MYLIP: variants seen among roughly 807,000 people sequenced by gnomAD.
The protein encoded by MYLIP is E3 ubiquitin-protein ligase MYLIP.
MYLIP carries 26 observed loss-of-function variants against 45.8 expected under a neutral mutation model. The ratio of observed to expected loss-of-function variants is 0.57; its 90% CI spans 0.42 to 0.79. The LOEUF (loss-of-function observed/expected upper bound fraction) is 0.79. Among genes scored for constraint, MYLIP ranks in the 30% least tolerant of loss-of-function variants. The pLI is 0.00. For synonymous variants in MYLIP, 213 were observed against 218.1 expected, an observed-to-expected ratio of 0.98 and a Z score of 0.21; for missense variants, 494 against 555.6, an observed-to-expected ratio of 0.89 and a Z score of 1.11.
the MYLIP span, among the ~76,000 whole-genome samples, chr6:16,161,731 C>T: frequency 6.6e-6 from 1 of 152,064 alleles, no homozygotes; most frequent in Non-Finnish European, 1.5e-5. Context: ...AGTTAAACAC[C>T]ACTCATTACC....
At chr6:16,137,129 A>G (rs1759572549) in intron 2 of MYLIP, among the ~76,000 whole-genome samples, 2 of 152,214 alleles carry the variant, frequency 1.3e-5, no homozygotes, top group Non-Finnish European at 2.9e-5. Flanking sequence ...TTTTGTTTCT[A>G]AAGCGTTACG....
Position 16,130,570 on chromosome 6 carries a change from T to A in MYLIP, c.101T>A (p.Leu34Gln). Reference protein sequence around the residue: ...EDCLNQVCRRLGIIEVDYFGL... With the variant: ...EDCLNQVCRRQGIIEVDYFGL... ...TTTTTGTTTTAGGTGTGCAGGCGAC[T>A]GGGAATCATAGAAGTTGACTATTTT... is the stretch of plus-strand genomic sequence containing the variant. The change falls in exon 2 of 7, where the codon CTG becomes CAG. Residue 34 changes from leucine to glutamine, a missense_variant. Physicochemically the swap from Leu to Gln is moderately radical, Grantham distance 113. Coordinates refer to ENST00000356840, the MANE Select transcript of MYLIP (RefSeq NM_013262.4). The A allele has an allele frequency of 6.2e-7, 1 of 1,614,152 alleles. No homozygotes were observed. Among genetic ancestry groups the A allele is most frequent in the Non-Finnish European group, 8.5e-7 (1 of 1,179,994 alleles).
Position 16,147,321 on chromosome 6 carries a change from T to G in MYLIP, c.*570T>G, listed in dbSNP as rs536993573. On this transcript the variant is annotated 3_prime_UTR_variant, in exon 7 of 7. Coordinates refer to ENST00000356840, the MANE Select transcript of MYLIP (RefSeq NM_013262.4). ...GTTTACAAATCAATTCTGTGACTTT[T>G]AAAAAGTTGACAATGTTGTCAGATT... is the stretch of plus-strand genomic sequence containing the variant. 2.6e-5 allele frequency: 4 copies of G among 153,556 alleles called. No homozygotes were observed. The highest frequency in any genetic ancestry group is 9.6e-5 in the African/African-American group (4 of 41,584). 9.5% of individuals were successfully genotyped at this position (153,556 alleles called of 1,614,324 possible). A position where few individuals can be genotyped will look rare whatever the true frequency, so the allele number is the denominator to read the frequency against.
chr6:16,129,349 C>G lies in MYLIP; in HGVS notation c.27C>G (p.Asp9Glu), dbSNP rs1321190803. ...TGCTGTGTTATGTGACGAGGCCGGA[C>G]GCGGTGCTGATGGAGGTGGAGGTGG... Reference protein sequence around the residue: MLCYVTRPDAVLMEVEVEA... With the variant: MLCYVTRPEAVLMEVEVEA... Residue 9 changes from aspartate (D) to glutamate (E), a missense_variant, in exon 1 of 7, where the codon GAC becomes GAG. Asp to Glu is a conservative substitution (Grantham distance 45). Coordinates refer to ENST00000356840, the MANE Select transcript of MYLIP (RefSeq NM_013262.4). The surrounding 1 kb of genome is among the most constrained non-coding windows in gnomAD (Gnocchi z 5.1). 1.3e-6 allele frequency: 2 copies of G among 1,586,700 alleles called. No homozygotes were observed. The highest frequency in any genetic ancestry group is 2.3e-5 in the South Asian group (2 of 87,318).
the MYLIP span, chr6:16,161,501 A>G: frequency 1.3e-5 from 2 of 157,640 alleles, no homozygotes; most frequent in Non-Finnish European, 2.8e-5. Flanking sequence ...ACTAGTTGCA[A>G]TCCATCAGAA....
At chr6:16,136,484 T>A (rs1028459212) in intron 2 of MYLIP, among the ~76,000 whole-genome samples, 1 of 152,230 alleles carries the variant, frequency 6.6e-6, no homozygotes, top group Non-Finnish European at 1.5e-5. Flanking sequence ...GTACTCCTAA[T>A]AATGAACACC....
downstream of MYLIP, among the ~76,000 whole-genome samples, chr6:16,149,338 A>G (rs917665595): frequency 1.3e-5 from 2 of 152,182 alleles, no homozygotes; most frequent in Non-Finnish European, 2.9e-5. Context: ...AAACCACTAT[A>G]TTACATGGTG....
the MYLIP span, among the ~76,000 whole-genome samples, chr6:16,158,174 A>G: frequency 6.6e-6 from 1 of 152,222 alleles, no homozygotes; most frequent in East Asian, 1.9e-4. Flanking sequence ...TGCAATGTGA[A>G]GGGCTGATCC....
chr6:16,151,969 G>A (rs1292369379), downstream of MYLIP, among the ~76,000 whole-genome samples: 1 of 152,160 alleles, frequency 6.6e-6, no homozygotes, highest in Non-Finnish European at 1.5e-5. Flanking sequence ...CACACATAAT[G>A]AATATGTAGA....
downstream of MYLIP, among the ~76,000 whole-genome samples, chr6:16,152,821 T>C (rs1182197627): frequency 1.3e-5 from 2 of 152,008 alleles, no homozygotes; most frequent in African/African-American, 4.8e-5. Flanking sequence ...GCTTGCCAGG[T>C]AGGGAAGGTG....
At chr6:16,134,225 T>C (rs568388430) in intron 2 of MYLIP, among the ~76,000 whole-genome samples, 1 of 152,178 alleles carries the variant, frequency 6.6e-6, no homozygotes, top group South Asian at 2.1e-4. Context: ...GTCTAATAAG[T>C]GTCTGTTGCA....
intron 2 of MYLIP, among the ~76,000 whole-genome samples, chr6:16,131,066 G>C (rs2066905): frequency 0.62 from 93,185 of 149,296 alleles, 31,809 homozygotes; most frequent in East Asian, 0.95. Context: ...CCCTACCCGA[G>C]TGACTGACTT....
chr6:16,130,728 A>T lies in MYLIP; in HGVS notation c.259A>T (p.Ile87Phe). 6.2e-7 allele frequency: 1 copy of T among 1,614,040 alleles called. No individual in the cohort carries two copies. Among genetic ancestry groups the T allele is most frequent in the East Asian group, 2.2e-5 (1 of 44,874 alleles). ...RVKFFVEPHL[I>F]LQEQTRHIFF... is the part of the protein sequence containing the mutation. ...CAAGTTCTTCGTGGAGCCTCATCTC[A>T]TCTTACAGGAGCAGACTAGGTAAAG... is the stretch of plus-strand genomic sequence containing the variant. Residue 87 changes from isoleucine to phenylalanine, a missense_variant, in exon 2 of 7, where the codon ATC (isoleucine) becomes TTC (phenylalanine). Physicochemically the swap from Ile to Phe is conservative, Grantham distance 21 (BLOSUM62 0). Coordinates refer to ENST00000356840, the MANE Select transcript of MYLIP (RefSeq NM_013262.4).
intron 2 of MYLIP, among the ~76,000 whole-genome samples, chr6:16,136,401 C>T (rs1442664148): frequency 6.6e-6 from 1 of 152,158 alleles, no homozygotes; most frequent in Non-Finnish European, 1.5e-5. Context: ...CCATATTGTC[C>T]TATATATCAG....
chr6:16,146,672 T>C lies in MYLIP; in HGVS notation c.1259T>C (p.Val420Ala). The C allele has an allele frequency of 6.2e-7, 1 of 1,610,188 alleles. No homozygotes were observed. Among genetic ancestry groups the C allele is most frequent in the Non-Finnish European group, 8.5e-7 (1 of 1,177,758 alleles). Residue 420 changes from valine to alanine, a missense_variant, in exon 7 of 7, where the codon GTC becomes GCC. By Grantham distance (64) the Val-to-Ala change is moderately conservative. Transcript: ENST00000356840. ...SCAAQLQSCP[V>A]CRSRVEHVQH... ...GCTTTTCTTTCCCAGTCATGTCCCG[T>C]CTGCAGGTCGCGTGTGGAGCATGTC...
intron 4 of MYLIP, 36 bp from the exon 5 acceptor site, chr6:16,143,660 CCTT>C (rs1561789929): frequency 1.9e-6 from 3 of 1,602,930 alleles, no homozygotes; most frequent in African/African-American, 1.3e-5. Flanking sequence ...AAGAATCACT[CCTT>C]CTAGATCTGC....
chr6:16,145,460 C>T (rs1759771595), intron 6 of MYLIP, 143 bp downstream of exon 6: 1 of 892,030 alleles, frequency 1.1e-6, no homozygotes, highest in Admixed American at 3.0e-5. Flanking sequence ...ATTTGGTGAC[C>T]TAAAAGGCAT....
intron 2 of MYLIP, among the ~76,000 whole-genome samples, chr6:16,139,879 G>C (rs1039116536): frequency 1.3e-5 from 2 of 152,062 alleles, no homozygotes; most frequent in African/African-American, 4.8e-5. Flanking sequence ...TGCAGTATTT[G>C]GCAGAGTTTC....
chr6:16,139,296 G>A (rs1189699884), intron 2 of MYLIP, among the ~76,000 whole-genome samples: 1 of 151,714 alleles, frequency 6.6e-6, no homozygotes, highest in Non-Finnish European at 1.5e-5. Flanking sequence ...GCCGAGGCAG[G>A]AGAATCGCTT....
Sources: allele counts gnomAD v4.1 joint callset (sites outside exome capture counted in the v4.1 genomes callset), GRCh38; gene constraint gnomAD v4.1.1; non-coding constraint Gnocchi (gnomAD v3.1); transcripts MANE v1.5; gene names NCBI Gene and HGNC (gene_info 2026-07-23, HGNC 2026-07-21).